DNAH11: variants seen among roughly 807,000 people sequenced by gnomAD.
The protein encoded by DNAH11 is dynein axonemal heavy chain 11, also known as axonemal beta dynein heavy chain 11.
DNAH11 carries 442 observed loss-of-function variants against 526.0 expected under a neutral mutation model. That is an observed-to-expected ratio of 0.84 (90% CI 0.78 to 0.91). The LOEUF (loss-of-function observed/expected upper bound fraction) is 0.91. DNAH11 is among the 40% of genes least tolerant of loss of function. DNAH11 has a pLI of 0.00. For missense variants in DNAH11, 6,989 were observed against 5,448.7 expected (o/e 1.28, Z -8.90); for synonymous variants, 2,461 against 1,935.9 (o/e 1.27, Z -7.12).
chr7:21,589,913 G>A (rs1784614497), intron 12 of DNAH11, among the ~76,000 whole-genome samples: 1 of 152,128 alleles, frequency 6.6e-6, no homozygotes, highest in African/African-American at 2.4e-5. Context: ...TTAATTTATT[G>A]TCATTTCTTT....
At chr7:21,706,598 T>G (rs1407761959) in intron 39 of DNAH11, among the ~76,000 whole-genome samples, 1 of 152,192 alleles carries the variant, frequency 6.6e-6, no homozygotes, top group East Asian at 1.9e-4. Context: ...AAAGTTAAAT[T>G]CTATACTTTC....
chr7:21,644,106 T>C (rs1340074622), intron 28 of DNAH11, among the ~76,000 whole-genome samples: 1 of 152,180 alleles, frequency 6.6e-6, no homozygotes, highest in Admixed American at 6.6e-5. Context: ...TCCCCTAAAT[T>C]ACAGCGATGA....
Position 21,570,198 on chromosome 7 carries a change from G to C in DNAH11, c.1324G>C (p.Ala442Pro). ...NSFFNYRKKL[A>P]SYFMGRKLRP... ...CTTTTTCAACTATAGAAAAAAATTG[G>C]CAAGCTACTTTATGGGAAGAAAGCT... Residue 442 changes from alanine to proline, a missense_variant, in exon 7 of 82, where the codon GCA becomes CCA. By Grantham distance (27) the Ala-to-Pro change is conservative (BLOSUM62 -1). Transcript: ENST00000409508. 6.2e-7 allele frequency: 1 copy of C among 1,613,420 alleles called. No homozygotes were observed. Among genetic ancestry groups the C allele is most frequent in the Non-Finnish European group, 8.5e-7 (1 of 1,179,706 alleles).
At chr7:21,637,947 A>G (rs761573186) in intron 27 of DNAH11, among the ~76,000 whole-genome samples, 1 of 152,190 alleles carries the variant, frequency 6.6e-6, no homozygotes, top group Non-Finnish European at 1.5e-5. Context: ...AAATTAGAGT[A>G]TCTTATTATC....
At position 21,617,626 on chromosome 7, in the gene DNAH11, G is replaced by C; in HGVS notation, c.4103G>C (p.Trp1368Ser). 1 of 1,613,636 alleles carries C rather than the reference G, an allele frequency of 6.2e-7. No individual in the cohort carries two copies. The highest frequency in any genetic ancestry group is 8.5e-7 in the Non-Finnish European group (1 of 1,179,744). Reference protein sequence around the residue: ...VELRRFAKEIWSLNKEVRVWD... With the variant: ...VELRRFAKEISSLNKEVRVWD... ...TCCTCCACTTTTCTTTAGGAAATTT[G>C]GTCACTCAACAAGGAAGTCCGCGTC... Residue 1368 changes from tryptophan to serine, a missense_variant, in exon 23 of 82, where the codon TGG becomes TCG. Trp to Ser is a radical substitution (Grantham distance 177, BLOSUM62 -3). Coordinates refer to ENST00000409508, the MANE Select transcript of DNAH11 (RefSeq NM_001277115.2).
chr7:21,612,770 A>C (rs568875832), intron 20 of DNAH11, among the ~76,000 whole-genome samples: 1 of 152,318 alleles, frequency 6.6e-6, no homozygotes, highest in African/African-American at 2.4e-5. Context: ...ACGTACATAT[A>C]GATACAAACA....
intron 61 of DNAH11, among the ~76,000 whole-genome samples, chr7:21,791,669 C>T (rs1788485395): frequency 6.6e-6 from 1 of 152,120 alleles, no homozygotes; most frequent in Non-Finnish European, 1.5e-5. Context: ...TATTTCTTTC[C>T]ATCATTCCCA....
At chr7:21,624,007 A>G (rs147295804) in intron 25 of DNAH11, among the ~76,000 whole-genome samples, 1,702 of 151,802 alleles carry the variant, frequency 0.011, 34 homozygotes, top group African/African-American at 0.039. Context: ...AAAAAAAAGA[A>G]TCCACTTTCT....
intron 73 of DNAH11, among the ~76,000 whole-genome samples, chr7:21,870,468 G>C (rs1386075344): frequency 6.6e-6 from 1 of 152,036 alleles, no homozygotes; most frequent in East Asian, 1.9e-4. Context: ...CCCCTTCTGA[G>C]GCTCAGAAAC....
intron 25 of DNAH11, among the ~76,000 whole-genome samples, chr7:21,626,739 G>A (rs1176977226): frequency 7.7e-6 from 1 of 130,506 alleles, no homozygotes; most frequent in Non-Finnish European, 1.6e-5. Flanking sequence ...ATGGCCTTCT[G>A]TATGTCTTTT....
chr7:21,653,483 C>T (rs1342455872), intron 28 of DNAH11, among the ~76,000 whole-genome samples: 1 of 152,180 alleles, frequency 6.6e-6, no homozygotes, highest in Non-Finnish European at 1.5e-5. Context: ...TATTTTCTCA[C>T]CCAAGCCGTA....
chr7:21,773,709 A>G, intron 55 of DNAH11, 57 bp from the exon 56 acceptor site: 1 of 886,212 alleles, frequency 1.1e-6, no homozygotes, highest in Non-Finnish European at 1.6e-6. Context: ...GATTTTTTTT[A>G]AGTTGTATTT....
intron 45 of DNAH11, among the ~76,000 whole-genome samples, chr7:21,726,724 G>T (rs914340097): frequency 1.3e-5 from 2 of 150,148 alleles, no homozygotes; most frequent in African/African-American, 2.4e-5. Flanking sequence ...AGCCGGGTGT[G>T]GTGGCGGGCG....
intron 54 of DNAH11, among the ~76,000 whole-genome samples, chr7:21,758,209 T>C (rs1447365774): frequency 6.6e-6 from 1 of 152,220 alleles, no homozygotes; most frequent in East Asian, 1.9e-4. Context: ...GATACAGTGC[T>C]CTAGTCTCTG....
rs756689512 is a variant in DNAH11 at position 21,564,408 on chromosome 7, T to C, written c.1194+11T>C. Reference sequence around the variant, plus strand: ...CTCTTCATTAACCAGGTATGAAGCATCAAAAAACAGGAACAATAAGAATTG... The same window carrying C: ...CTCTTCATTAACCAGGTATGAAGCACCAAAAAACAGGAACAATAAGAATTG... On this transcript the variant is annotated intron_variant, in intron 6 of 81. Coordinates refer to ENST00000409508, the MANE Select transcript of DNAH11 (RefSeq NM_001277115.2). The C allele has an allele frequency of 1.1e-5, 17 of 1,591,774 alleles. No homozygotes were observed. The highest frequency in any genetic ancestry group is 1.5e-5 in the Non-Finnish European group (17 of 1,165,040).
chr7:21,554,414 A>G (rs1167455833), intron 2 of DNAH11, among the ~76,000 whole-genome samples: 1 of 151,932 alleles, frequency 6.6e-6, no homozygotes, highest in Admixed American at 6.5e-5. Flanking sequence ...ACCTCAGGTG[A>G]TCTACCCATC....
intron 30 of DNAH11, among the ~76,000 whole-genome samples, chr7:21,662,398 A>C (rs762978045): frequency 9.2e-5 from 14 of 152,134 alleles, no homozygotes; most frequent in Admixed American, 5.2e-4. Flanking sequence ...CCATCCATCA[A>C]TTCATTTTGT....
chr7:21,753,222 C>G (rs897234107), intron 54 of DNAH11, among the ~76,000 whole-genome samples: 7 of 152,098 alleles, frequency 4.6e-5, no homozygotes, highest in Non-Finnish European at 1.0e-4. Context: ...ATGTTCCAGG[C>G]AGGGGGAAGG....
rs116907759 is a variant in DNAH11, at chr7:21,782,638, G to A, written c.9484-1789G>A. ...GATAGAAATGGCACTTTAGCAAGACGCAGTGGCCCATGCCTGTAATCTCAG... is the reference window on the plus strand; with the variant it reads ...GATAGAAATGGCACTTTAGCAAGACACAGTGGCCCATGCCTGTAATCTCAG... On this transcript the variant is annotated intron_variant, in intron 57 of 81. Coordinates refer to ENST00000409508, the MANE Select transcript of DNAH11 (RefSeq NM_001277115.2). Among the ~76,000 whole-genome samples the A allele has an allele frequency of 2.1e-4, 32 of 152,298 alleles. No homozygotes were observed. In the East Asian group the frequency reaches 4.0e-3, roughly 19 times the overall value.
Sources: gnomAD v4.1 joint callset for allele counts (sites outside exome capture counted in the v4.1 genomes callset) on GRCh38, gnomAD v4.1.1 for gene constraint, MANE v1.5 for transcripts, NCBI Gene and HGNC (gene_info 2026-07-23, HGNC 2026-07-21) for gene names.